MECOM: variants seen among roughly 807,000 people sequenced by gnomAD.
MECOM encodes MDS1 and EVI1 complex locus, also known as histone-lysine N-methyltransferase MECOM.
A neutral mutation model predicts 116.3 loss-of-function variants in MECOM; 13 were observed. The ratio of observed to expected loss-of-function variants is 0.11; its 90% CI spans 0.07 to 0.18. The LOEUF (loss-of-function observed/expected upper bound fraction) is 0.18, where lower values mean the gene tolerates loss of function less well. Ranked by LOEUF, MECOM falls within the 10% of genes least tolerant of loss-of-function variation. MECOM has a pLI of 1.00. For missense variants in MECOM, 1,299 were observed against 1,509.0 expected (o/e 0.86, Z 2.31); for synonymous variants, 528 against 535.2 (o/e 0.99, Z 0.19).
At chr3:169,134,185 T>C (rs1231510172) in intron 3 of MECOM, among the ~76,000 whole-genome samples, 4 of 152,226 alleles carry the variant, frequency 2.6e-5, no homozygotes, top group Non-Finnish European at 5.9e-5. Context: ...CCATTTTAGA[T>C]TTACTCAATC....
chr3:169,642,226 C>T (rs750530176), intron 1 of MECOM, among the ~76,000 whole-genome samples: 45 of 152,042 alleles, frequency 3.0e-4, no homozygotes, highest in Non-Finnish European at 5.4e-4. Context: ...AGAAAGAATA[C>T]AGAGATGGTG....
At chr3:169,346,157 AG>A (rs1055970363) in intron 2 of MECOM, among the ~76,000 whole-genome samples, 84 of 152,206 alleles carry the variant, frequency 5.5e-4, no homozygotes, top group African/African-American at 1.7e-3. Context: ...TCTTTAGGGA[AG>A]GAAAAAAAAC....
intron 2 of MECOM, among the ~76,000 whole-genome samples, chr3:169,198,622 C>G (rs1410215844): frequency 6.6e-6 from 1 of 151,912 alleles, no homozygotes; most frequent in Non-Finnish European, 1.5e-5. Flanking sequence ...CCTTCGCATA[C>G]CTTACCCACT....
At chr3:169,614,204 C>A (rs1769690274) in intron 1 of MECOM, among the ~76,000 whole-genome samples, 2 of 150,366 alleles carry the variant, frequency 1.3e-5, no homozygotes, top group Non-Finnish European at 3.0e-5. Flanking sequence ...GAGCATAAGA[C>A]TCAGAATGAC....
chr3:169,149,971 G>C (rs76061538), intron 2 of MECOM, among the ~76,000 whole-genome samples: 43 of 111,680 alleles, frequency 3.9e-4, no homozygotes, highest in African/African-American at 9.6e-4. Context: ...GTGTGTGTGT[G>C]TGTGTGTCTG....
intron 1 of MECOM, among the ~76,000 whole-genome samples, chr3:169,458,876 T>TAGGAAACAGAGAACAGGA (rs1188411464): frequency 1.3e-5 from 2 of 152,214 alleles, no homozygotes; most frequent in Non-Finnish European, 2.9e-5. Context: ...ACAGAGAACC[T>TAGGAAACAGAGAACAGGA]ATTCCCTTGT....
chr3:169,097,840 A>AAAAAAAAAAAAAAAAAAG (rs1722193549), intron 12 of MECOM, among the ~76,000 whole-genome samples: 1 of 140,600 alleles, frequency 7.1e-6, no homozygotes, highest in Non-Finnish European at 1.5e-5. Context: ...AAAAAAAAAA[A>AAAAAAAAAAAAAAAAAAG]GGTGGATTCC....
At chr3:169,513,552 G>T (rs949936846) in intron 1 of MECOM, among the ~76,000 whole-genome samples, 10 of 152,228 alleles carry the variant, frequency 6.6e-5, no homozygotes, top group Non-Finnish European at 1.5e-4. Context: ...TGGCTGGAAT[G>T]CTCAGTCCGG....
In MECOM at chr3:169,164,999, A is replaced by G. The variant is rs563523554; in HGVS notation, c.376-21167T>C. ...AAGTTCCCTGACAAAAGTTTTGTCT[A>G]CATAGTAGTCAACATAGGTTTTCAC... On this transcript the variant is annotated intron_variant, in intron 2 of 16. Transcript: ENST00000651503. Among the ~76,000 whole-genome samples, 55 of 152,344 alleles carry G rather than the reference A, an allele frequency of 3.6e-4. 1 individual carries two copies. The South Asian group carries it at 4.3e-3, about 12-fold the overall frequency.
chr3:169,290,066 C>T (rs9827754), intron 2 of MECOM, among the ~76,000 whole-genome samples: 1 of 152,018 alleles, frequency 6.6e-6, no homozygotes, highest in Non-Finnish European at 1.5e-5. Context: ...CAACAGTAAC[C>T]TTAAGTATAT....
chr3:169,466,612 C>A (rs1748344936), intron 1 of MECOM, among the ~76,000 whole-genome samples: 1 of 151,964 alleles, frequency 6.6e-6, no homozygotes, highest in Non-Finnish European at 1.5e-5. Flanking sequence ...CTTGGTGATT[C>A]CACTCTTTTT....
intron 1 of MECOM, among the ~76,000 whole-genome samples, chr3:169,501,488 CCT>C (rs746394731): frequency 2.0e-5 from 3 of 151,786 alleles, no homozygotes; most frequent in East Asian, 3.9e-4. Flanking sequence ...ACCAGAAAAA[CCT>C]CTTATTGGAG....
intron 2 of MECOM, among the ~76,000 whole-genome samples, chr3:169,263,941 A>C (rs1757949597): frequency 6.6e-6 from 1 of 152,138 alleles, no homozygotes; most frequent in South Asian, 2.1e-4. Flanking sequence ...AAGGAAAAAA[A>C]AAACCCACTA....
chr3:169,137,596 A>C (rs528861927), intron 3 of MECOM, among the ~76,000 whole-genome samples: 1 of 152,220 alleles, frequency 6.6e-6, no homozygotes, highest in Admixed American at 6.5e-5. Context: ...TCACAGTCTA[A>C]AGACAAGAAA....
rs141476514 is a variant in MECOM at position 169,622,331 on chromosome 3, A to G, written c.37+41005T>C. On this transcript the variant is annotated intron_variant, in intron 1 of 16. Transcript: ENST00000651503. The stretch of plus-strand genomic sequence containing the variant: ...GGTCTTGAACTCCTGAACTCAGGTG[A>G]TCTGCCCCCCTAGGCCTCCCAAAGT... Among the ~76,000 whole-genome samples, 1,271 of 152,238 alleles carry G rather than the reference A, an allele frequency of 8.3e-3. 22 individuals carry two copies. The highest frequency in any genetic ancestry group is 7.5e-3 in the Non-Finnish European group (512 of 68,012).
At chr3:169,347,507 A>T (rs1419457314) in intron 2 of MECOM, among the ~76,000 whole-genome samples, 1 of 152,018 alleles carries the variant, frequency 6.6e-6, no homozygotes, top group Non-Finnish European at 1.5e-5. Flanking sequence ...AGGGGAAAAA[A>T]GACTTCTGCA....
chr3:169,168,114 A>T (rs1743874873), intron 2 of MECOM, among the ~76,000 whole-genome samples: 1 of 152,162 alleles, frequency 6.6e-6, no homozygotes, highest in South Asian at 2.1e-4. Context: ...CTAGTTTTAG[A>T]CTTTTCATAA....
intron 1 of MECOM, among the ~76,000 whole-genome samples, chr3:169,641,932 A>G (rs192633627): frequency 6.6e-6 from 1 of 152,380 alleles, no homozygotes; most frequent in African/African-American, 2.4e-5. Flanking sequence ...GATTATTTCA[A>G]GGAGAAATGA....
intron 1 of MECOM, among the ~76,000 whole-genome samples, chr3:169,480,286 G>A (rs968473289): frequency 1.3e-5 from 2 of 152,112 alleles, no homozygotes; most frequent in African/African-American, 4.8e-5. Context: ...AAAGCATTGG[G>A]CTCTACCTGC....
Sources: allele counts gnomAD v4.1 joint callset (sites outside exome capture counted in the v4.1 genomes callset), GRCh38; gene constraint gnomAD v4.1.1; transcripts MANE v1.5; gene names NCBI Gene and HGNC (gene_info 2026-07-23, HGNC 2026-07-21).